The following MARCHF8 variants were observed in gnomAD, a reference collection of about 807,000 sequenced individuals.
The protein encoded by MARCHF8 is membrane associated ring-CH-type finger 8, also known as E3 ubiquitin-protein ligase MARCHF8.
A neutral mutation model predicts 51.6 loss-of-function variants in MARCHF8; 40 were observed. The ratio of observed to expected loss-of-function variants is 0.77; its 90% CI spans 0.60 to 1.01. MARCHF8 has a LOEUF of 1.01. MARCHF8 is among the 50% of genes least tolerant of loss of function. The pLI is 0.00. For synonymous variants in MARCHF8, 263 were observed against 280.3 expected, an observed-to-expected ratio of 0.94 and a Z score of 0.62; for missense variants, 685 against 708.6, an observed-to-expected ratio of 0.97 and a Z score of 0.38.
chr10:45,531,475 A>T (rs1312901655), intron 2 of MARCHF8, among the ~76,000 whole-genome samples: 1 of 152,110 alleles, frequency 6.6e-6, no homozygotes, highest in African/African-American at 2.4e-5. Context: ...GTATTTTTTT[A>T]AATATATTCT....
chr10:45,468,824 A>G (rs966467491), intron 3 of MARCHF8, among the ~76,000 whole-genome samples: 1 of 152,224 alleles, frequency 6.6e-6, no homozygotes, highest in African/African-American at 2.4e-5. Context: ...AAATTAATCA[A>G]ATAATATGTG....
chr10:45,481,528 C>T (rs1409226504), intron 3 of MARCHF8, among the ~76,000 whole-genome samples: 2 of 152,142 alleles, frequency 1.3e-5, no homozygotes, highest in Non-Finnish European at 2.9e-5. Flanking sequence ...GGTGGTTTCC[C>T]CCATACTGTT....
chr10:45,569,856 G>A (rs531560249), intron 1 of MARCHF8, among the ~76,000 whole-genome samples: 3 of 151,568 alleles, frequency 2.0e-5, no homozygotes, highest in South Asian at 2.1e-4. Context: ...TTCAGATTGG[G>A]GAGAAGAAAA....
rs561170809 is a variant in MARCHF8, at chr10:45,461,129, A to C, written c.1269+102T>G. On this transcript the variant is annotated intron_variant, in intron 6 of 7. Transcript: ENST00000453424. ...TGTAAGCACCAGCCCCAGCTTTTTA[A>C]GGAAATGAACGCAGGCAAGCCATGA... The C allele has an allele frequency of 2.1e-4, 181 of 856,122 alleles. No individual in the cohort carries two copies. The African/African-American group carries it at 3.0e-3, about 14-fold the overall frequency. The allele number at this position is 856,122 out of a possible 1,614,324, so 53.0% of individuals were successfully genotyped here. A position where few individuals can be genotyped will look rare whatever the true frequency, so the allele number is the denominator to read the frequency against.
intron 2 of MARCHF8, among the ~76,000 whole-genome samples, chr10:45,509,266 G>C (rs2043448755): frequency 6.6e-6 from 1 of 152,212 alleles, no homozygotes; most frequent in Non-Finnish European, 1.5e-5. Context: ...GCTAATGAGG[G>C]ATGACTGTAG....
At chr10:45,463,000 T>C (rs1842842567) in intron 5 of MARCHF8, 151 bp downstream of exon 5, 1 of 548,502 alleles carries the variant, frequency 1.8e-6, no homozygotes. Context: ...TCAAACGATA[T>C]TGATACTCCA....
chr10:45,499,099 G>A (rs150491098), intron 2 of MARCHF8, among the ~76,000 whole-genome samples: 67 of 152,112 alleles, frequency 4.4e-4, no homozygotes, highest in Admixed American at 1.4e-3. Context: ...CACTTTGTTC[G>A]GATCCTCATC....
Position 45,535,248 on chromosome 10 carries a change from G to A in MARCHF8, c.-116C>T, listed in dbSNP as rs550082600. 6.6e-6 allele frequency: 1 copy of A among 152,208 alleles called. No individual in the cohort carries two copies. The highest frequency in any genetic ancestry group is 1.5e-5 in the Non-Finnish European group (1 of 68,048). The allele number at this position is 152,208 out of a possible 1,614,324, so 9.4% of individuals were successfully genotyped here. On this transcript the variant is annotated 5_prime_UTR_variant, in exon 1 of 8. Transcript: ENST00000453424. ...TTATACTCCCTGGGAGATCACAATA[G>A]TCAGTGGTAAGCAGTTTTTTCATCA... is the stretch of plus-strand genomic sequence containing the variant.
intron 1 of MARCHF8, among the ~76,000 whole-genome samples, chr10:45,568,741 A>G (rs1341416663): frequency 7.2e-6 from 1 of 139,742 alleles, no homozygotes; most frequent in African/African-American, 2.7e-5. Context: ...AAAAAAAACC[A>G]CTAACACTAA....
At chr10:45,526,786 T>C (rs1330063898) in intron 2 of MARCHF8, among the ~76,000 whole-genome samples, 1 of 152,004 alleles carries the variant, frequency 6.6e-6, no homozygotes, top group Non-Finnish European at 1.5e-5. Flanking sequence ...AACAGATGTT[T>C]ATATAACAAG....
intron 1 of MARCHF8, among the ~76,000 whole-genome samples, chr10:45,572,979 C>T (rs993126015): frequency 2.6e-5 from 4 of 152,094 alleles, no homozygotes; most frequent in African/African-American, 9.7e-5. Flanking sequence ...GCGACTGGCC[C>T]TCCCCCACCT....
chr10:45,455,320 G>A lies in MARCHF8; in HGVS notation c.*2919C>T, dbSNP rs1322838495. The A allele has an allele frequency of 6.6e-6, 1 of 152,166 alleles. No homozygotes were observed. Among genetic ancestry groups the A allele is most frequent in the Non-Finnish European group, 1.5e-5 (1 of 68,052 alleles). The allele number at this position is 152,166 out of a possible 1,614,324, so 9.4% of individuals were successfully genotyped here. ...TCAGGAAATTCTCACAATAAACTTG[G>A]GCACAAAGACCAAATTGCTGAGGCC... is the stretch of plus-strand genomic sequence containing the variant. On this transcript the variant is annotated 3_prime_UTR_variant, in exon 8 of 8. Transcript: ENST00000453424.
chr10:45,461,594 C>T, intron 5 of MARCHF8, 183 bp from the exon 6 acceptor site: 1 of 425,498 alleles, frequency 2.4e-6, no homozygotes, highest in Non-Finnish European at 4.0e-6. Flanking sequence ...GTCTAGCTTA[C>T]CGCACCAACA....
chr10:45,540,374 CA>C (rs1344607984), intron 1 of MARCHF8, among the ~76,000 whole-genome samples: 6 of 152,138 alleles, frequency 3.9e-5, no homozygotes, highest in Non-Finnish European at 7.3e-5. Flanking sequence ...ACCAATGGAA[CA>C]GAACAGAGCC....
At chr10:45,559,350 A>G (rs2044285168) in intron 1 of MARCHF8, among the ~76,000 whole-genome samples, 1 of 152,210 alleles carries the variant, frequency 6.6e-6, no homozygotes. Flanking sequence ...AAGAAATACA[A>G]TGGTCCCTAA....
intron 1 of MARCHF8, among the ~76,000 whole-genome samples, chr10:45,559,842 T>C (rs2044289650): frequency 6.6e-6 from 1 of 152,208 alleles, no homozygotes; most frequent in Admixed American, 6.5e-5. Flanking sequence ...TTTTCTAAGT[T>C]AGAGGCCTTT....
At chr10:45,587,287 C>T (rs974622505) in intron 1 of MARCHF8, among the ~76,000 whole-genome samples, 8 of 150,730 alleles carry the variant, frequency 5.3e-5, no homozygotes, top group Non-Finnish European at 1.0e-4. Context: ...TATTTTTACA[C>T]ATTAGCAAGG....
chr10:45,556,653 C>A (rs1005200583), intron 1 of MARCHF8, among the ~76,000 whole-genome samples: 2 of 152,180 alleles, frequency 1.3e-5, no homozygotes, highest in Non-Finnish European at 2.9e-5. Context: ...GTTAAAACGG[C>A]TTCTCCGGTT....
chr10:45,591,187 G>A (rs1205486521), intron 1 of MARCHF8, among the ~76,000 whole-genome samples: 1 of 152,182 alleles, frequency 6.6e-6, no homozygotes, highest in Non-Finnish European at 1.5e-5. Flanking sequence ...CAGTCTGCCT[G>A]CACCCAGGTG....
Sources: gnomAD v4.1 joint callset for allele counts (sites outside exome capture counted in the v4.1 genomes callset) on GRCh38, gnomAD v4.1.1 for gene constraint, MANE v1.5 for transcripts, NCBI Gene and HGNC (gene_info 2026-07-23, HGNC 2026-07-21) for gene names.